The following COL14A1 variants were observed in gnomAD, a reference collection of about 807,000 sequenced individuals.
COL14A1 encodes the protein collagen type XIV alpha 1 chain.
A neutral mutation model predicts 230.3 loss-of-function variants in COL14A1; 136 were observed. That is an observed-to-expected ratio of 0.59 (90% CI 0.51 to 0.68). The LOEUF (loss-of-function observed/expected upper bound fraction) is 0.68, where lower values mean the gene tolerates loss of function less well. COL14A1 is among the 30% of genes least tolerant of loss of function. The pLI is 0.00. For missense variants in COL14A1, 1,976 were observed against 2,215.8 expected (o/e 0.89, Z 2.17); for synonymous variants, 792 against 784.1 (o/e 1.01, Z -0.17).
chr8:120,266,623 C>T (rs1444240753), intron 24 of COL14A1, among the ~76,000 whole-genome samples: 1 of 152,032 alleles, frequency 6.6e-6, no homozygotes, highest in Non-Finnish European at 1.5e-5. Flanking sequence ...GGCAAAATGG[C>T]ATTTCAAGCC....
At chr8:120,297,000 T>C (rs527781096) in intron 34 of COL14A1, among the ~76,000 whole-genome samples, 1 of 152,172 alleles carries the variant, frequency 6.6e-6, no homozygotes, top group Admixed American at 6.6e-5. Context: ...TATTATGCAC[T>C]GAAGAAAAAG....
chr8:120,319,118 T>C (rs1033463094), intron 40 of COL14A1, among the ~76,000 whole-genome samples: 1 of 152,104 alleles, frequency 6.6e-6, no homozygotes, highest in Non-Finnish European at 1.5e-5. Context: ...CTCATTTTTC[T>C]TCCTTTTATA....
intron 26 of COL14A1, 79 bp downstream of exon 26, chr8:120,270,253 G>A (rs1819620239): frequency 7.2e-7 from 1 of 1,388,652 alleles, no homozygotes; most frequent in Non-Finnish European, 9.8e-7. Flanking sequence ...ACTTGTCAGG[G>A]ACTATAGGTC....
intron 5 of COL14A1, among the ~76,000 whole-genome samples, chr8:120,187,025 A>C (rs1005562828): frequency 1.3e-5 from 2 of 152,180 alleles, no homozygotes; most frequent in African/African-American, 4.8e-5. Context: ...GAAAAGATTC[A>C]TGGAGTTGGT....
rs1818910256 is a variant in COL14A1 at position 120,250,652 on chromosome 8, G to A, written c.2638G>A (p.Asp880Asn). 2 of 1,614,084 alleles carry A rather than the reference G, an allele frequency of 1.2e-6. No homozygotes were observed. The highest frequency in any genetic ancestry group is 2.7e-5 in the African/African-American group (2 of 74,930). Reference protein sequence around the residue: ...GPTLETFVGADINTILITNLL... With the variant: ...GPTLETFVGANINTILITNLL... ...AACACTGGAAACGTTTGTGGGAGCT[G>A]ACATTAACACCATCCTTATCACAAA... The change falls in exon 22 of 48, where the codon GAC becomes AAC. Residue 880 changes from aspartate (D) to asparagine (N), a missense_variant. By Grantham distance (23) the Asp-to-Asn change is conservative. Transcript: ENST00000297848.
chr8:120,248,598 T>C (rs536451248), intron 21 of COL14A1, among the ~76,000 whole-genome samples: 2 of 152,302 alleles, frequency 1.3e-5, no homozygotes, highest in Non-Finnish European at 2.9e-5. Context: ...GGCTCATGCC[T>C]GTAATCTCAG....
At position 120,197,885 on chromosome 8, in the gene COL14A1, G is replaced by A. The variant is rs1817093621; in HGVS notation, c.667G>A (p.Glu223Lys). The A allele has an allele frequency of 1.9e-6, 3 of 1,613,650 alleles. No individual in the cohort carries two copies. Among genetic ancestry groups the A allele is most frequent in the Non-Finnish European group, 2.5e-6 (3 of 1,179,682 alleles). Residue 223 changes from glutamate (E) to lysine (K), a missense_variant, in exon 7 of 48, where the codon GAA (glutamate) becomes AAA (lysine). By Grantham distance (56) the Glu-to-Lys change is moderately conservative (BLOSUM62 1). Coordinates refer to ENST00000297848, the MANE Select transcript of COL14A1 (RefSeq NM_021110.4). The stretch of plus-strand genomic sequence containing the variant: ...ATTTAGCACAAAAGATGAAGTGATT[G>A]AAGCTGTCCGAAACCTCCCATATAA... Reference protein sequence around the residue: ...NAFSTKDEVIEAVRNLPYKGG... With the variant: ...NAFSTKDEVIKAVRNLPYKGG...
chr8:120,149,687 AT>A (rs11300699), intron 2 of COL14A1, among the ~76,000 whole-genome samples: 85,081 of 125,588 alleles, frequency 0.68, 27,531 homozygotes, highest in Admixed American at 0.74. Flanking sequence ...CTGTTTTTTC[AT>A]TTTTTTTTTT....
At chr8:120,315,726 AAGCCCCTTTTGAG>A in intron 39 of COL14A1, 140 bp downstream of exon 39, 1 of 806,998 alleles carries the variant, frequency 1.2e-6, no homozygotes, top group Non-Finnish European at 2.0e-6. Flanking sequence ...CACTTACCCT[AAGCCCCTTTTGAG>A]AGTCACACTG....
chr8:120,179,215 AG>A (rs1816384354), intron 5 of COL14A1, among the ~76,000 whole-genome samples: 1 of 152,206 alleles, frequency 6.6e-6, no homozygotes, highest in Admixed American at 6.5e-5. Flanking sequence ...AAAGAAATAA[AG>A]GGTATTCAAC....
At chr8:120,129,028 T>A (rs1814441303) in intron 1 of COL14A1, among the ~76,000 whole-genome samples, 2 of 152,182 alleles carry the variant, frequency 1.3e-5, no homozygotes, top group Non-Finnish European at 2.9e-5. Flanking sequence ...ATTTAATTGA[T>A]GTCTAAAAAT....
chr8:120,188,476 AG>A (rs765633707), intron 5 of COL14A1, among the ~76,000 whole-genome samples: 10 of 152,328 alleles, frequency 6.6e-5, no homozygotes, highest in South Asian at 2.1e-4. Flanking sequence ...AACTCCAGAA[AG>A]TATAGAAGAG....
intron 5 of COL14A1, among the ~76,000 whole-genome samples, chr8:120,172,952 A>C (rs1439975187): frequency 2.0e-5 from 3 of 152,198 alleles, no homozygotes; most frequent in Non-Finnish European, 4.4e-5. Flanking sequence ...CCTTGCAGTA[A>C]GTAAGTAGCT....
chr8:120,310,966 T>A (rs906449594), intron 37 of COL14A1, among the ~76,000 whole-genome samples: 1 of 152,214 alleles, frequency 6.6e-6, no homozygotes, highest in Non-Finnish European at 1.5e-5. Flanking sequence ...CTGCTCAGTA[T>A]GGTTTCTTAT....
chr8:120,304,827 C>T (rs896355549), intron 36 of COL14A1, among the ~76,000 whole-genome samples: 2 of 152,170 alleles, frequency 1.3e-5, no homozygotes, highest in Non-Finnish European at 2.9e-5. Flanking sequence ...TTAGCCAGCA[C>T]TTAGTCATAC....
chr8:120,179,560 A>C (rs537887062), intron 5 of COL14A1, among the ~76,000 whole-genome samples: 2 of 152,348 alleles, frequency 1.3e-5, no homozygotes, highest in African/African-American at 4.8e-5. Flanking sequence ...AAATGGAAAA[A>C]CATTCCATGC....
intron 13 of COL14A1, among the ~76,000 whole-genome samples, chr8:120,214,387 C>T (rs1817691253): frequency 6.6e-6 from 1 of 152,110 alleles, no homozygotes. Flanking sequence ...ATGGACAACA[C>T]TCAGTAAATG....
intron 5 of COL14A1, among the ~76,000 whole-genome samples, chr8:120,192,738 T>C (rs1273400428): frequency 1.3e-5 from 2 of 152,134 alleles, no homozygotes; most frequent in Non-Finnish European, 2.9e-5. Flanking sequence ...GGAGGCTTTG[T>C]TCATTTCTTT....
chr8:120,218,549 A>G (rs1307468290), intron 14 of COL14A1, among the ~76,000 whole-genome samples: 1 of 152,066 alleles, frequency 6.6e-6, no homozygotes, highest in African/African-American at 2.4e-5. Flanking sequence ...ACCTCAGGCA[A>G]TCCGCCCGCC....
Sources: allele counts gnomAD v4.1 joint callset (sites outside exome capture counted in the v4.1 genomes callset), GRCh38; gene constraint gnomAD v4.1.1; transcripts MANE v1.5; gene names NCBI Gene and HGNC (gene_info 2026-07-23, HGNC 2026-07-21).